Variants in TMEM240 observed in about 807,000 individuals in gnomAD.
TMEM240 encodes the protein transmembrane protein C1orf70.
A neutral mutation model predicts 19.5 loss-of-function variants in TMEM240; 3 were observed. That is an observed-to-expected ratio of 0.15 (90% CI 0.07 to 0.40). The LOEUF is 0.40. Ranked by LOEUF, TMEM240 falls within the 10% of genes least tolerant of loss-of-function variation. The probability of loss-of-function intolerance (pLI) is 1.00; values close to 1 mark genes in which losing one functional copy is unlikely to be tolerated. For missense variants in TMEM240, 210 were observed against 253.5 expected, an observed-to-expected ratio of 0.83 and a Z score of 1.17; for synonymous variants, 123 against 109.3, an observed-to-expected ratio of 1.13 and a Z score of -0.78.
chr1:1,540,410 C>A lies in TMEM240; in HGVS notation c.-64G>T, dbSNP rs1570374697. On this transcript the variant is annotated 5_prime_UTR_variant, in exon 1 of 4. Transcript: ENST00000378733. ...CCCCGGCGCCCCCCCGGCCCCGGCC[C>A]GATGCTGAGCCCCCGCCGCCTCCGC... 6.1e-5 allele frequency: 41 copies of A among 671,666 alleles called. No homozygotes were observed. The highest frequency in any genetic ancestry group is 7.7e-5 in the Non-Finnish European group (40 of 518,998). 41.6% of individuals were successfully genotyped at this position (671,666 alleles called of 1,614,324 possible).
chr1:1,535,375 C>T lies in TMEM240; in HGVS notation c.506G>A (p.Ser169Asn). The T allele has an allele frequency of 8.4e-6, 13 of 1,549,736 alleles. No homozygotes were observed. The highest frequency in any genetic ancestry group is 1.0e-5 in the Non-Finnish European group (12 of 1,146,434). Residue 169 changes from serine (S) to asparagine (N), a missense_variant, in exon 4 of 4, where the codon AGC becomes AAC. Coordinates refer to ENST00000378733, the MANE Select transcript of TMEM240 (RefSeq NM_001114748.2). The surrounding 1 kb of genome is among the most constrained non-coding windows in gnomAD (Gnocchi z 8.2). Reference protein sequence around the residue: ...KQKLYHNGHPSPRHL With the variant: ...KQKLYHNGHPNPRHL Reference sequence around the variant, plus strand: ...CCGTGCGGCTCACAGGTGCCGCGGGCTGGGGTGGCCATTGTGGTAGAGTTT... The same window carrying T: ...CCGTGCGGCTCACAGGTGCCGCGGGTTGGGGTGGCCATTGTGGTAGAGTTT...
chr1:1,536,016 A>G lies in TMEM240; in HGVS notation c.165-219T>C, dbSNP rs769137997. 1.3e-5 allele frequency among the ~76,000 whole-genome samples: 2 copies of G among 152,068 alleles called. No homozygotes were observed. Among genetic ancestry groups the G allele is most frequent in the Non-Finnish European group, 2.9e-5 (2 of 67,978 alleles). On this transcript the variant is annotated intron_variant, in intron 2 of 3. Coordinates refer to ENST00000378733, the MANE Select transcript of TMEM240 (RefSeq NM_001114748.2). This position sits in a 1 kb window ranked among gnomAD's most constrained non-coding sequence, Gnocchi z 5.4. ...GGAGGTCAGTGGCCATGGGCTGTGG[A>G]GGCCGAGCGTGAAGTCCGGGCAGAC... is the stretch of plus-strand genomic sequence containing the variant.
In TMEM240 at chr1:1,535,355, C is replaced by T. The variant is rs371563411; in HGVS notation, c.*4G>A. ...TCGGTGGCCCCGGTAAGTCCCCGTG[C>T]GGCTCACAGGTGCCGCGGGCTGGGG... is the stretch of plus-strand genomic sequence containing the variant. On this transcript the variant is annotated 3_prime_UTR_variant, in exon 4 of 4. Coordinates refer to ENST00000378733, the MANE Select transcript of TMEM240 (RefSeq NM_001114748.2). The surrounding 1 kb of genome is among the most constrained non-coding windows in gnomAD (Gnocchi z 8.2). 43 of 1,548,696 alleles carry T rather than the reference C, an allele frequency of 2.8e-5. No homozygotes were observed. Among genetic ancestry groups the T allele is most frequent in the Admixed American group, 5.9e-5 (3 of 50,838 alleles).
At chr1:1,538,981 G>A (rs1000965654) in intron 2 of TMEM240, 2 of 152,434 alleles carry the variant, frequency 1.3e-5, no homozygotes, top group Admixed American at 1.3e-4. Flanking sequence ...GTCCTGAGGG[G>A]TGGAAGTGCA....
rs537680601 is a variant in TMEM240, at chr1:1,535,537, T to C, written c.374-30A>G. On this transcript the variant is annotated intron_variant, in intron 3 of 3. Transcript: ENST00000378733. The surrounding 1 kb of genome is among the most constrained non-coding windows in gnomAD (Gnocchi z 8.2). ...GGGGGGACAGGGGCGGTCAGGCGGC[T>C]GGGGCCGGCCAGGGCGGCAGCACTC... 167 of 1,537,470 alleles carry C rather than the reference T, an allele frequency of 1.1e-4. No homozygotes were observed. The African/African-American group carries it at 2.1e-3, about 20-fold the overall frequency.
Position 1,535,584 on chromosome 1 carries a change from C to A in TMEM240, c.373+5G>T, listed in dbSNP as rs1172026252. On this transcript the variant is annotated splice_donor_5th_base_variant and intron_variant, in intron 3 of 3. Transcript: ENST00000378733. This position sits in a 1 kb window ranked among gnomAD's most constrained non-coding sequence, Gnocchi z 8.2. ...ACTCCCGGGCGGCGGGCACGAGGCA[C>A]TCACCGTAGCGCCGTCCGGCTCTCC... 6.5e-7 allele frequency: 1 copy of A among 1,547,708 alleles called. No individual in the cohort carries two copies. Among genetic ancestry groups the A allele is most frequent in the Admixed American group, 2.0e-5 (1 of 50,894 alleles).
chr1:1,537,431 CT>C (rs1238707523), intron 2 of TMEM240, among the ~76,000 whole-genome samples: 2 of 152,042 alleles, frequency 1.3e-5, no homozygotes, highest in African/African-American at 4.8e-5. Context: ...TTCCTGACCC[CT>C]TAGAGAGTCC....
intron 2 of TMEM240, 81 bp downstream of exon 2, chr1:1,539,603 G>T: frequency 7.9e-7 from 1 of 1,272,204 alleles, no homozygotes; most frequent in Non-Finnish European, 1.1e-6. Context: ...CCTGCGTGGG[G>T]CTGGTTCCCC....
rs1371790322 is a variant in TMEM240, at chr1:1,535,808, C to T, written c.165-11G>A. 6.5e-7 allele frequency: 1 copy of T among 1,548,896 alleles called. No homozygotes were observed. The highest frequency in any genetic ancestry group is 8.7e-7 in the Non-Finnish European group (1 of 1,146,126). Reference sequence around the variant, plus strand: ...TAGTGGATATGGTGCCTGGGGGCGGCAGGGCGGGCTGGCACCTCTCCCGCC... The same window carrying T: ...TAGTGGATATGGTGCCTGGGGGCGGTAGGGCGGGCTGGCACCTCTCCCGCC... On this transcript the variant is annotated splice_polypyrimidine_tract_variant and intron_variant, in intron 2 of 3. Coordinates refer to ENST00000378733, the MANE Select transcript of TMEM240 (RefSeq NM_001114748.2). The surrounding 1 kb of genome is among the most constrained non-coding windows in gnomAD (Gnocchi z 8.2).
At position 1,536,665 on chromosome 1, in the gene TMEM240, C is replaced by A. The variant is rs112866750; in HGVS notation, c.165-868G>T. On this transcript the variant is annotated intron_variant, in intron 2 of 3. Coordinates refer to ENST00000378733, the MANE Select transcript of TMEM240 (RefSeq NM_001114748.2). This position sits in a 1 kb window ranked among gnomAD's most constrained non-coding sequence, Gnocchi z 5.4. ...AGCTCGCCCCAGCAGCTCACCCTGT[C>A]CCAGGAAGGTCTCCGGGCCTTGACT... 6.6e-6 allele frequency among the ~76,000 whole-genome samples: 1 copy of A among 152,160 alleles called. No individual in the cohort carries two copies. Among genetic ancestry groups the A allele is most frequent in the Non-Finnish European group, 1.5e-5 (1 of 68,012 alleles).
At position 1,535,799 on chromosome 1, in the gene TMEM240, TG is replaced by T; in HGVS notation, c.165-3del. On this transcript the variant is annotated splice_region_variant and splice_polypyrimidine_tract_variant and intron_variant, in intron 2 of 3. Coordinates refer to ENST00000378733, the MANE Select transcript of TMEM240 (RefSeq NM_001114748.2). The surrounding 1 kb of genome is among the most constrained non-coding windows in gnomAD (Gnocchi z 8.2). Reference sequence around the variant, plus strand: ...GGGATCACGTAGTGGATATGGTGCCTGGGGGCGGCAGGGCGGGCTGGCACCT... The same window carrying T: ...GGGATCACGTAGTGGATATGGTGCCTGGGGCGGCAGGGCGGGCTGGCACCT... 6.5e-7 allele frequency: 1 copy of T among 1,549,240 alleles called. No homozygotes were observed.
At chr1:1,537,529 C>T (rs1033488982) in intron 2 of TMEM240, among the ~76,000 whole-genome samples, 1 of 152,112 alleles carries the variant, frequency 6.6e-6, no homozygotes, top group African/African-American at 2.4e-5. Flanking sequence ...ACCTGTAGCT[C>T]CTCTCCCTGC....
intron 2 of TMEM240, among the ~76,000 whole-genome samples, chr1:1,537,351 T>C (rs2100697289): frequency 6.6e-6 from 1 of 152,208 alleles, no homozygotes; most frequent in South Asian, 2.1e-4. Context: ...TCGTCCATCG[T>C]CACCAATGGG....
chr1:1,537,131 G>A (rs1175156667), intron 2 of TMEM240, among the ~76,000 whole-genome samples: 2 of 152,012 alleles, frequency 1.3e-5, no homozygotes, highest in Non-Finnish European at 2.9e-5. Context: ...GGGGTCCTGG[G>A]GCCCGAGCCC....
chr1:1,535,929 C>A lies in TMEM240; in HGVS notation c.165-132G>T. 3 of 371,618 alleles carry A rather than the reference C, an allele frequency of 8.1e-6. No homozygotes were observed. The highest frequency in any genetic ancestry group is 4.0e-5 in the South Asian group (2 of 50,304). The allele number at this position is 371,618 out of a possible 1,614,324, so 23.0% of individuals were successfully genotyped here. A position where few individuals can be genotyped will look rare whatever the true frequency, so the allele number is the denominator to read the frequency against. Reference sequence around the variant, plus strand: ...GGGTTCTCTGAAGCAGCCTCTTGGGCGGGCGGGTCGGGAAGGGGGCACCAG... The same window carrying A: ...GGGTTCTCTGAAGCAGCCTCTTGGGAGGGCGGGTCGGGAAGGGGGCACCAG... On this transcript the variant is annotated intron_variant, in intron 2 of 3. Coordinates refer to ENST00000378733, the MANE Select transcript of TMEM240 (RefSeq NM_001114748.2). This position sits in a 1 kb window ranked among gnomAD's most constrained non-coding sequence, Gnocchi z 8.2.
intron 2 of TMEM240, among the ~76,000 whole-genome samples, chr1:1,538,747 G>A (rs544792341): frequency 2.6e-5 from 4 of 152,332 alleles, no homozygotes; most frequent in East Asian, 1.9e-4. Context: ...CATGTCACAC[G>A]CTTAGCAACA....
At position 1,536,280 on chromosome 1, in the gene TMEM240, T is replaced by C. The variant is rs1642220197; in HGVS notation, c.165-483A>G. Among the ~76,000 whole-genome samples, 2 of 152,026 alleles carry C rather than the reference T, an allele frequency of 1.3e-5. No homozygotes were observed. The highest frequency in any genetic ancestry group is 6.5e-5 in the Admixed American group (1 of 15,286). The stretch of plus-strand genomic sequence containing the variant: ...CCAGACCAGCCACTCCCATGCACCC[T>C]TCCCCCCGCTGCTGTGCCCTTTCCT... On this transcript the variant is annotated intron_variant, in intron 2 of 3. Coordinates refer to ENST00000378733, the MANE Select transcript of TMEM240 (RefSeq NM_001114748.2). The surrounding 1 kb of genome is among the most constrained non-coding windows in gnomAD (Gnocchi z 5.4).
Position 1,535,412 on chromosome 1 carries a change from G to C in TMEM240, c.469C>G (p.His157Asp). 2.6e-6 allele frequency: 4 copies of C among 1,549,818 alleles called. No individual in the cohort carries two copies. The highest frequency in any genetic ancestry group is 3.5e-6 in the Non-Finnish European group (4 of 1,146,506). ...TTGTGGTAGAGTTTCTGCTTCACGT[G>C]TACCATGTTCCCGGCGGCCTCCTCG... ...PFEEAAGNMV[H>D]VKQKLYHNGH... is the part of the protein sequence containing the mutation. Residue 157 changes from histidine to aspartate, a missense_variant, in exon 4 of 4, where the codon CAC (histidine) becomes GAC (aspartate). This residue lies in a region of TMEM240 where 157 missense variants were observed against 168.2 expected (regional missense o/e 0.93). Transcript: ENST00000378733. The surrounding 1 kb of genome is among the most constrained non-coding windows in gnomAD (Gnocchi z 8.2).
intron 2 of TMEM240, among the ~76,000 whole-genome samples, chr1:1,537,705 C>T (rs116702058): frequency 0.013 from 2,007 of 152,290 alleles, 43 homozygotes; most frequent in African/African-American, 0.044. Flanking sequence ...GTGTACATCA[C>T]GTATACACAC....
Sources: gnomAD v4.1 joint callset for allele counts (sites outside exome capture counted in the v4.1 genomes callset) on GRCh38, gnomAD v4.1.1 for gene constraint, gnomAD v4.1.1 regional missense constraint, Gnocchi (gnomAD v3.1) non-coding constraint, MANE v1.5 for transcripts, NCBI Gene and HGNC (gene_info 2026-07-23, HGNC 2026-07-21) for gene names.